Variants in EMCN observed in about 807,000 individuals in gnomAD.
EMCN encodes the protein endomucin, also known as MUC-14.
Under a neutral mutation model 38.4 loss-of-function variants are expected in EMCN, and 37 were observed. That is an observed-to-expected ratio of 0.96 (90% CI 0.74 to 1.27). The LOEUF (loss-of-function observed/expected upper bound fraction) is 1.27. EMCN is among the 50% of genes most tolerant of loss of function. The pLI is 0.00. For missense variants in EMCN, 318 were observed against 302.8 expected, an observed-to-expected ratio of 1.05 and a Z score of -0.37; for synonymous variants, 95 against 100.8, an observed-to-expected ratio of 0.94 and a Z score of 0.35.
intron 2 of EMCN, among the ~76,000 whole-genome samples, chr4:100,476,206 C>CTCCCTCCA (rs1412838304): frequency 1.8e-5 from 2 of 112,608 alleles, no homozygotes; most frequent in East Asian, 6.4e-4. Flanking sequence ...TCCTTCCTTT[C>CTCCCTCCA]TCCCTCCATC....
In EMCN at chr4:100,409,345, A is replaced by G. The variant is rs556587960; in HGVS notation, c.*39+937T>C. Among the ~76,000 whole-genome samples, 208 of 152,332 alleles carry G rather than the reference A, an allele frequency of 1.4e-3. 1 individual carries two copies. Among genetic ancestry groups the G allele is most frequent in the African/African-American group, 4.8e-3 (201 of 41,576 alleles). ...TTCTTGTAACAATTAAATTAAAGTCAGAAGAGCATTTCCTTACTTAGTTCT... is the reference window on the plus strand; with the variant it reads ...TTCTTGTAACAATTAAATTAAAGTCGGAAGAGCATTTCCTTACTTAGTTCT... On this transcript the variant is annotated intron_variant, in intron 11 of 11. Coordinates refer to ENST00000296420, the MANE Select transcript of EMCN (RefSeq NM_016242.4).
chr4:100,447,618 A>C (rs947206259), intron 4 of EMCN, 47 bp from the exon 5 acceptor site: 1 of 1,212,096 alleles, frequency 8.3e-7, no homozygotes, highest in African/African-American at 1.5e-5. Context: ...TAAATGTTGA[A>C]TATCAGATCT....
chr4:100,450,613 T>C (rs996794451), intron 4 of EMCN, among the ~76,000 whole-genome samples: 1 of 151,984 alleles, frequency 6.6e-6, no homozygotes, highest in African/African-American at 2.4e-5. Context: ...CCATATGGCA[T>C]TGACTGAGTC....
chr4:100,408,853 T>A (rs7666680), intron 11 of EMCN, among the ~76,000 whole-genome samples: 71,632 of 152,108 alleles, frequency 0.47, 19,946 homozygotes, highest in Non-Finnish European at 0.63. Flanking sequence ...TAGGGGCTCA[T>A]GACTGGTGAA....
At chr4:100,456,942 T>C (rs894180371) in intron 4 of EMCN, among the ~76,000 whole-genome samples, 1 of 152,172 alleles carries the variant, frequency 6.6e-6, no homozygotes, top group Non-Finnish European at 1.5e-5. Flanking sequence ...TGTGGATTTG[T>C]GTTTTTCACT....
chr4:100,403,280 T>C lies in EMCN; in HGVS notation c.*40-4907A>G, dbSNP rs1055485261. Among the ~76,000 whole-genome samples, 18 of 152,106 alleles carry C rather than the reference T, an allele frequency of 1.2e-4. 1 individual carries two copies. The highest frequency in any genetic ancestry group is 2.9e-5 in the Non-Finnish European group (2 of 67,994). ...TTAGTGCTTGGCACCCCCTTAGAAA[T>C]GCGAAGATAAAGTATTTGGTTTTCT... is the stretch of plus-strand genomic sequence containing the variant. On this transcript the variant is annotated intron_variant, in intron 11 of 11. Coordinates refer to ENST00000296420, the MANE Select transcript of EMCN (RefSeq NM_016242.4).
At chr4:100,517,682 C>T (rs1195194633) in intron 1 of EMCN, among the ~76,000 whole-genome samples, 169 bp downstream of exon 1, 3 of 152,050 alleles carry the variant, frequency 2.0e-5, no homozygotes, top group Non-Finnish European at 4.4e-5. Context: ...CAAATACCGT[C>T]TCTCTCAAGC....
At chr4:100,469,111 G>T (rs1044366740) in intron 3 of EMCN, among the ~76,000 whole-genome samples, 5 of 151,998 alleles carry the variant, frequency 3.3e-5, no homozygotes, top group African/African-American at 1.2e-4. Context: ...TTCAACAAGG[G>T]CACCAAGAGG....
chr4:100,396,539 C>CTTTTTTTTTT lies in EMCN; in HGVS notation c.*1873_*1874insAAAAAAAAAA, dbSNP rs1726124269. 1.0e-5 allele frequency: 1 copy of CTTTTTTTTTT among 99,378 alleles called. No homozygotes were observed. The highest frequency in any genetic ancestry group is 1.3e-4 in the Admixed American group (1 of 7,710). The allele number at this position is 99,378 out of a possible 1,614,324, so 6.2% of individuals were successfully genotyped here. A position where few individuals can be genotyped will look rare whatever the true frequency, so the allele number is the denominator to read the frequency against. On this transcript the variant is annotated 3_prime_UTR_variant, in exon 12 of 12. Coordinates refer to ENST00000296420, the MANE Select transcript of EMCN (RefSeq NM_016242.4). Reference sequence around the variant, plus strand: ...GGGACTTTCTTTCTTTCTTTTTTTTCCTTTTTTTTTTTTTTTTTTTTGAGA... The same window carrying CTTTTTTTTTT: ...GGGACTTTCTTTCTTTCTTTTTTTTCTTTTTTTTTTCTTTTTTTTTTTTTTTTTTTTGAGA...
Position 100,466,491 on chromosome 4 carries a change from A to C in EMCN, c.260-952T>G, listed in dbSNP as rs191931108. Among the ~76,000 whole-genome samples the C allele has an allele frequency of 2.0e-5, 3 of 152,248 alleles. No individual in the cohort carries two copies. In the East Asian group the frequency reaches 5.8e-4, roughly 29 times the overall value. Reference sequence around the variant, plus strand: ...GAAGAAAGGGATCATTTGCAAGAAGACTTCATAGACAGTAGATAAATACAT... The same window carrying C: ...GAAGAAAGGGATCATTTGCAAGAAGCCTTCATAGACAGTAGATAAATACAT... On this transcript the variant is annotated intron_variant, in intron 3 of 11. Coordinates refer to ENST00000296420, the MANE Select transcript of EMCN (RefSeq NM_016242.4).
chr4:100,496,378 T>C (rs1729207588), intron 1 of EMCN, among the ~76,000 whole-genome samples: 1 of 152,174 alleles, frequency 6.6e-6, no homozygotes, highest in Non-Finnish European at 1.5e-5. Context: ...CAAAAGGAAA[T>C]GCCAAATTTG....
chr4:100,422,791 C>A (rs1578402246), intron 7 of EMCN, among the ~76,000 whole-genome samples: 1 of 131,170 alleles, frequency 7.6e-6, no homozygotes, highest in South Asian at 2.6e-4. Flanking sequence ...TTTTTTTCCT[C>A]TTCTGTTTTC....
chr4:100,490,462 C>A (rs1044783713), intron 1 of EMCN, among the ~76,000 whole-genome samples: 3 of 152,268 alleles, frequency 2.0e-5, no homozygotes, highest in African/African-American at 7.2e-5. Flanking sequence ...TAGACCTTCA[C>A]ATTCACTGGC....
At chr4:100,409,311 A>G (rs1726483871) in intron 11 of EMCN, among the ~76,000 whole-genome samples, 1 of 152,190 alleles carries the variant, frequency 6.6e-6, no homozygotes, top group Non-Finnish European at 1.5e-5. Context: ...GACAGCACTT[A>G]ATCAATACTT....
At chr4:100,451,639 G>T (rs1242216170) in intron 4 of EMCN, among the ~76,000 whole-genome samples, 1 of 151,864 alleles carries the variant, frequency 6.6e-6, no homozygotes, top group Non-Finnish European at 1.5e-5. Flanking sequence ...GTTTTCATGA[G>T]AACAAGTGTG....
chr4:100,434,383 CAAAAA>C (rs767318585), intron 5 of EMCN, among the ~76,000 whole-genome samples: 1 of 70,696 alleles, frequency 1.4e-5, no homozygotes, highest in African/African-American at 6.1e-5. Context: ...GCCTACCAAG[CAAAAA>C]AAAAAAAAAA....
intron 11 of EMCN, among the ~76,000 whole-genome samples, chr4:100,408,465 T>G (rs1726456786): frequency 6.6e-6 from 1 of 152,224 alleles, no homozygotes; most frequent in Non-Finnish European, 1.5e-5. Flanking sequence ...GTTCTTGTCC[T>G]TGGTTTTACA....
At chr4:100,425,408 T>A (rs1727020003) in intron 5 of EMCN, among the ~76,000 whole-genome samples, 1 of 152,052 alleles carries the variant, frequency 6.6e-6, no homozygotes, top group Admixed American at 6.6e-5. Flanking sequence ...ACTAACAAAG[T>A]GGCATTGCCA....
At position 100,518,009 on chromosome 4, in the gene EMCN, G is replaced by A; in HGVS notation, c.-95C>T. The A allele has an allele frequency of 3.2e-6, 4 of 1,243,070 alleles. No individual in the cohort carries two copies. The highest frequency in any genetic ancestry group is 3.6e-6 in the Non-Finnish European group (3 of 844,976). The allele number at this position is 1,243,070 out of a possible 1,614,324, so 77.0% of individuals were successfully genotyped here. On this transcript the variant is annotated 5_prime_UTR_variant, in exon 1 of 12. Coordinates refer to ENST00000296420, the MANE Select transcript of EMCN (RefSeq NM_016242.4). The stretch of plus-strand genomic sequence containing the variant: ...CAGGGCCTTATTAGCAAATGGAAAA[G>A]GTGTAGTGAATGTGAATAGCCACTG...
Sources: allele counts gnomAD v4.1 joint callset (sites outside exome capture counted in the v4.1 genomes callset), GRCh38; gene constraint gnomAD v4.1.1; transcripts MANE v1.5; gene names NCBI Gene and HGNC (gene_info 2026-07-23, HGNC 2026-07-21).